KCNIP4: variants seen among roughly 807,000 people sequenced by gnomAD.
The protein encoded by KCNIP4 is potassium voltage-gated channel interacting protein 4.
Under a neutral mutation model 34.0 loss-of-function variants are expected in KCNIP4, and 12 were observed. The observed-to-expected ratio is 0.35, with a 90% CI of 0.23 to 0.57. The LOEUF is 0.57. Ranked by LOEUF, KCNIP4 falls within the 20% of genes least tolerant of loss-of-function variation. The pLI is 0.83. For synonymous variants in KCNIP4, 124 were observed against 102.2 expected, an observed-to-expected ratio of 1.21 and a Z score of -1.29; for missense variants, 238 against 311.7, an observed-to-expected ratio of 0.76 and a Z score of 1.78.
intron 1 of KCNIP4, among the ~76,000 whole-genome samples, chr4:21,257,741 C>G (rs1761161834): frequency 7.1e-6 from 1 of 141,764 alleles, no homozygotes; most frequent in African/African-American, 2.6e-5. Context: ...CACAGCAAGA[C>G]TCAGTCTCAA....
intron 1 of KCNIP4, among the ~76,000 whole-genome samples, chr4:21,686,789 C>G (rs1263449249): frequency 1.3e-5 from 2 of 152,084 alleles, no homozygotes; most frequent in Admixed American, 1.3e-4. Context: ...GTGATTAGGT[C>G]AAATGGTATT....
At chr4:21,466,837 T>A (rs1250431002) in intron 1 of KCNIP4, among the ~76,000 whole-genome samples, 2 of 151,952 alleles carry the variant, frequency 1.3e-5, no homozygotes, top group South Asian at 2.1e-4. Context: ...CAGTACCCCA[T>A]CCCTGGCATA....
intron 3 of KCNIP4, among the ~76,000 whole-genome samples, chr4:20,776,286 G>GT (rs900711567): frequency 5.3e-5 from 8 of 152,030 alleles, no homozygotes; most frequent in African/African-American, 1.9e-4. Flanking sequence ...GCATGTTTTT[G>GT]TTTTTTTCTA....
intron 1 of KCNIP4, among the ~76,000 whole-genome samples, chr4:21,504,475 A>AAAAAAAAAAAAG (rs1264431211): frequency 7.9e-5 from 8 of 101,852 alleles, no homozygotes; most frequent in African/African-American, 3.1e-4. Flanking sequence ...CAAAAAAAAA[A>AAAAAAAAAAAAG]AAAGAAAGAA....
At chr4:21,498,170 T>C (rs1563874) in intron 1 of KCNIP4, among the ~76,000 whole-genome samples, 2,971 of 152,314 alleles carry the variant, frequency 0.02, 95 homozygotes, top group East Asian at 0.12. Context: ...GGAAACAAGA[T>C]TCTCAAATCT....
rs191621102 is a variant in KCNIP4 at position 21,902,570 on chromosome 4, G to A, written c.61+46001C>T. ...GCAAAAAGGTGCTAGATATTATAGA[G>A]TGAAAGGAAAAACTTTCAGGTCAAG... On this transcript the variant is annotated intron_variant, in intron 1 of 8. Transcript: ENST00000382152. Among the ~76,000 whole-genome samples the A allele has an allele frequency of 1.4e-4, 22 of 152,174 alleles. 1 individual carries two copies. Among genetic ancestry groups the A allele is most frequent in the Admixed American group, 3.9e-4 (6 of 15,254 alleles).
At chr4:21,658,543 G>A (rs560299592) in intron 1 of KCNIP4, among the ~76,000 whole-genome samples, 3 of 152,138 alleles carry the variant, frequency 2.0e-5, no homozygotes, top group East Asian at 1.9e-4. Context: ...AGCTTCCTGA[G>A]TAGCTGAGAT....
chr4:21,866,545 A>C (rs1024614945), intron 1 of KCNIP4, among the ~76,000 whole-genome samples: 1 of 152,140 alleles, frequency 6.6e-6, no homozygotes, highest in Non-Finnish European at 1.5e-5. Context: ...TCTACACTTA[A>C]AGAGTAGGAA....
At chr4:21,069,062 C>T (rs1455687473) in intron 1 of KCNIP4, among the ~76,000 whole-genome samples, 1 of 152,152 alleles carries the variant, frequency 6.6e-6, no homozygotes, top group East Asian at 1.9e-4. Context: ...TTACTTTCTT[C>T]TCAAGGTTAT....
intron 1 of KCNIP4, among the ~76,000 whole-genome samples, chr4:21,624,418 A>G (rs992020567): frequency 3.3e-5 from 5 of 152,200 alleles, no homozygotes; most frequent in Non-Finnish European, 7.3e-5. Context: ...ACTCAAAAAA[A>G]TAAGTGGGTG....
At chr4:21,058,982 C>A (rs547765327) in intron 1 of KCNIP4, among the ~76,000 whole-genome samples, 69 of 152,234 alleles carry the variant, frequency 4.5e-4, no homozygotes, top group African/African-American at 1.5e-3. Flanking sequence ...GAATAAGTTT[C>A]ATGAGATCTG....
At chr4:21,167,450 G>T (rs772839265) in intron 1 of KCNIP4, among the ~76,000 whole-genome samples, 2 of 152,136 alleles carry the variant, frequency 1.3e-5, no homozygotes, top group African/African-American at 4.8e-5. Context: ...CGAATTCTCT[G>T]CTTCCTATCA....
At chr4:20,860,104 T>C (rs1190676022) in intron 2 of KCNIP4, among the ~76,000 whole-genome samples, 3 of 152,102 alleles carry the variant, frequency 2.0e-5, no homozygotes, top group African/African-American at 7.2e-5. Context: ...ATAGTGAGTG[T>C]ATCTACAGCA....
intron 1 of KCNIP4, among the ~76,000 whole-genome samples, chr4:21,714,786 A>ATG (rs1553923859): frequency 2.2e-5 from 1 of 46,250 alleles, no homozygotes; most frequent in Non-Finnish European, 3.7e-5. Context: ...TTTCCCTTTG[A>ATG]TTATTTTATT....
intron 3 of KCNIP4, among the ~76,000 whole-genome samples, chr4:20,814,566 T>C (rs1716154249): frequency 6.6e-6 from 1 of 152,210 alleles, no homozygotes; most frequent in Non-Finnish European, 1.5e-5. Flanking sequence ...ACAAATTAAC[T>C]CAACTCTGTG....
At chr4:21,099,845 A>G (rs1024886329) in intron 1 of KCNIP4, among the ~76,000 whole-genome samples, 3 of 152,116 alleles carry the variant, frequency 2.0e-5, no homozygotes, top group Non-Finnish European at 4.4e-5. Flanking sequence ...AATGACTTTG[A>G]AGGGTTCAAT....
chr4:20,967,501 G>C (rs1288856374), intron 1 of KCNIP4, among the ~76,000 whole-genome samples: 2 of 152,166 alleles, frequency 1.3e-5, no homozygotes, highest in Non-Finnish European at 2.9e-5. Flanking sequence ...AGCAAAGCTG[G>C]AGGCATCATG....
intron 1 of KCNIP4, among the ~76,000 whole-genome samples, chr4:21,295,380 C>G (rs1013236435): frequency 3.9e-5 from 6 of 152,162 alleles, no homozygotes; most frequent in African/African-American, 1.4e-4. Context: ...AAGGTAGAAT[C>G]AGGAACTGTG....
chr4:21,270,938 A>C (rs2109133895), intron 1 of KCNIP4, among the ~76,000 whole-genome samples: 1 of 149,790 alleles, frequency 6.7e-6, no homozygotes, highest in Middle Eastern at 3.5e-3. Flanking sequence ...GTGAGCTGAG[A>C]TCACACCATT....
Sources: allele counts gnomAD v4.1 joint callset (sites outside exome capture counted in the v4.1 genomes callset), GRCh38; gene constraint gnomAD v4.1.1; transcripts MANE v1.5; gene names NCBI Gene and HGNC (gene_info 2026-07-23, HGNC 2026-07-21).